The following TTLL11 variants were observed in gnomAD, a reference collection of about 807,000 sequenced individuals.
The protein encoded by TTLL11 is tubulin polyglutamylase TTLL11.
In TTLL11, 42 loss-of-function variants were observed where a neutral mutation model predicts 51.7. That is an observed-to-expected ratio of 0.81 (90% CI 0.64 to 1.05). TTLL11 has a LOEUF of 1.05. Among genes scored for constraint, TTLL11 ranks in the 50% least tolerant of loss-of-function variants. TTLL11 has a pLI of 0.00. For missense variants in TTLL11, 799 were observed against 940.4 expected, an observed-to-expected ratio of 0.85 and a Z score of 1.97; for synonymous variants, 381 against 383.5, an observed-to-expected ratio of 0.99 and a Z score of 0.08.
chr9:121,822,938 A>G lies in TTLL11; in HGVS notation c.1841-59T>C. On this transcript the variant is annotated intron_variant, in intron 8 of 8. Coordinates refer to ENST00000321582, the MANE Select transcript of TTLL11 (RefSeq NM_001139442.2). The surrounding 1 kb of genome is among the most constrained non-coding windows in gnomAD (Gnocchi z 5.8). ...ACAGCTGCCCTACGCTGCCCTGGGAAGGCCCACCTCCAGCCACAAGGATGT... is the reference window on the plus strand; with the variant it reads ...ACAGCTGCCCTACGCTGCCCTGGGAGGGCCCACCTCCAGCCACAAGGATGT... The G allele has an allele frequency of 6.8e-7, 1 of 1,472,328 alleles. No individual in the cohort carries two copies. Among genetic ancestry groups the G allele is most frequent in the South Asian group, 1.4e-5 (1 of 70,938 alleles). 91.2% of individuals were successfully genotyped at this position (1,472,328 alleles called of 1,614,324 possible).
At position 121,921,449 on chromosome 9, in the gene TTLL11, T is replaced by A. The variant is rs574158822; in HGVS notation, c.1482-50701A>T. 7.1e-3 allele frequency among the ~76,000 whole-genome samples: 1,087 copies of A among 152,260 alleles called. 6 individuals are homozygous for A. Among genetic ancestry groups the A allele is most frequent in the Non-Finnish European group, 0.013 (872 of 67,998 alleles). On this transcript the variant is annotated intron_variant, in intron 6 of 8. Coordinates refer to ENST00000321582, the MANE Select transcript of TTLL11 (RefSeq NM_001139442.2). Reference sequence around the variant, plus strand: ...CTCCCGAGAATCATGAGATTTGTTTTATAAAAAAAACTCGCCACAGGATTC... The same window carrying A: ...CTCCCGAGAATCATGAGATTTGTTTAATAAAAAAAACTCGCCACAGGATTC...
chr9:122,007,475 C>CA (rs59238464), intron 3 of TTLL11, among the ~76,000 whole-genome samples: 418 of 94,446 alleles, frequency 4.4e-3, no homozygotes, highest in East Asian at 0.023. Flanking sequence ...AATTCCATCT[C>CA]AAAAAAAAAA....
rs1206732397 is a variant in TTLL11 at position 121,853,699 on chromosome 9, C to A, written c.1840+6638G>T. ...CTTCACACAGCCATGGACGAGGCTG[C>A]CAGCACCACATTTCCTCTGTCTTCC... On this transcript the variant is annotated intron_variant, in intron 8 of 8. Coordinates refer to ENST00000321582, the MANE Select transcript of TTLL11 (RefSeq NM_001139442.2). The surrounding 1 kb of genome is among the most constrained non-coding windows in gnomAD (Gnocchi z 5.6). 6.6e-6 allele frequency among the ~76,000 whole-genome samples: 1 copy of A among 152,172 alleles called. No homozygotes were observed. Among genetic ancestry groups the A allele is most frequent in the Non-Finnish European group, 1.5e-5 (1 of 68,012 alleles).
At chr9:121,924,503 TATTGAGAACAATCCTTTCAGAGGA>T (rs1840650414) in intron 6 of TTLL11, among the ~76,000 whole-genome samples, 1 of 152,216 alleles carries the variant, frequency 6.6e-6, no homozygotes, top group Non-Finnish European at 1.5e-5. Context: ...GGTTAGGAGA[TATTGAGAACAATCCTTTCAGAGGA>T]AGATGAAAAA....
chr9:121,851,453 AT>A (rs1837661484), intron 8 of TTLL11, among the ~76,000 whole-genome samples: 1 of 152,192 alleles, frequency 6.6e-6, no homozygotes, highest in Non-Finnish European at 1.5e-5. Context: ...TATCTGCTCA[AT>A]TTTTTCTGTA....
chr9:121,927,769 G>A (rs1840794438), intron 6 of TTLL11, among the ~76,000 whole-genome samples: 1 of 152,112 alleles, frequency 6.6e-6, no homozygotes, highest in South Asian at 2.1e-4. Flanking sequence ...AGAGTGAAGA[G>A]CTGCTGGAGT....
At chr9:121,824,473 C>T (rs1209683113) in intron 8 of TTLL11, among the ~76,000 whole-genome samples, 23 of 93,942 alleles carry the variant, frequency 2.4e-4, no homozygotes, top group South Asian at 1.9e-3. Context: ...AGCGAGACTC[C>T]ATCTCAAAAA....
chr9:121,990,669 A>T (rs1002317783), intron 3 of TTLL11, among the ~76,000 whole-genome samples: 1 of 152,212 alleles, frequency 6.6e-6, no homozygotes, highest in Non-Finnish European at 1.5e-5. Context: ...CACCAAACAC[A>T]GAGCTGAGCT....
intron 1 of TTLL11, among the ~76,000 whole-genome samples, chr9:122,067,756 G>C (rs1323501923): frequency 6.6e-6 from 1 of 152,154 alleles, no homozygotes; most frequent in Non-Finnish European, 1.5e-5. Context: ...ACCCACCTCT[G>C]CCTCCCAAAG....
chr9:122,016,951 A>G (rs947278249), intron 3 of TTLL11, among the ~76,000 whole-genome samples: 5 of 152,202 alleles, frequency 3.3e-5, no homozygotes, highest in Non-Finnish European at 7.4e-5. Context: ...ACTCTTCACA[A>G]AAATTTTCAC....
In TTLL11 at chr9:121,822,797, C is replaced by T. The variant is rs1836625359; in HGVS notation, c.1923G>A (p.Val641=). ...KFKMLPLHEQ[V]ASLIDLCEYH... Reference sequence around the variant, plus strand: ...ACTCGCAAAGGTCAATCAGTGAGGCCACCTGCTCATGAAGTGGCAGCATCT... The same window carrying T: ...ACTCGCAAAGGTCAATCAGTGAGGCTACCTGCTCATGAAGTGGCAGCATCT... Residue 641 remains valine (V), a synonymous_variant, in exon 9 of 9, where the codon GTG becomes GTA. Transcript: ENST00000321582. This position sits in a 1 kb window ranked among gnomAD's most constrained non-coding sequence, Gnocchi z 5.8. 1.3e-6 allele frequency: 2 copies of T among 1,551,708 alleles called. No individual in the cohort carries two copies. Among genetic ancestry groups the T allele is most frequent in the African/African-American group, 1.4e-5 (1 of 73,180 alleles).
intron 6 of TTLL11, among the ~76,000 whole-genome samples, chr9:121,929,192 A>G (rs1655139884): frequency 6.6e-6 from 1 of 152,190 alleles, no homozygotes; most frequent in Admixed American, 6.5e-5. Flanking sequence ...CTGTAATCCC[A>G]GCACTTTGGG....
chr9:122,024,020 C>T (rs1245478086), intron 3 of TTLL11, among the ~76,000 whole-genome samples: 2 of 152,084 alleles, frequency 1.3e-5, no homozygotes, highest in Admixed American at 6.6e-5. Context: ...CCATTCAATT[C>T]TCAGAGGATG....
intron 6 of TTLL11, among the ~76,000 whole-genome samples, chr9:121,911,989 C>A (rs138720050): frequency 1.3e-5 from 2 of 152,144 alleles, no homozygotes; most frequent in Non-Finnish European, 2.9e-5. Flanking sequence ...CAGGTGATCA[C>A]CCCACTGTAT....
intron 4 of TTLL11, among the ~76,000 whole-genome samples, chr9:121,985,394 T>G (rs1233152642): frequency 6.6e-6 from 1 of 152,092 alleles, no homozygotes; most frequent in African/African-American, 2.4e-5. Context: ...ACCGGGTCCC[T>G]TAATCTCTAG....
rs535572890 is a variant in TTLL11 at position 121,958,431 on chromosome 9, C to A, written c.1481+15578G>T. Among the ~76,000 whole-genome samples the A allele has an allele frequency of 4.6e-5, 7 of 152,266 alleles. No homozygotes were observed. The East Asian group carries it at 1.4e-3, about 29-fold the overall frequency. On this transcript the variant is annotated intron_variant, in intron 6 of 8. Coordinates refer to ENST00000321582, the MANE Select transcript of TTLL11 (RefSeq NM_001139442.2). ...CTTCAAGTAAAAATGGAAATGCTAT[C>A]CCCTGGGGTCTTTTTTCTCGAAGCC...
chr9:122,084,109 T>C (rs942023029), intron 1 of TTLL11, among the ~76,000 whole-genome samples: 1 of 151,966 alleles, frequency 6.6e-6, no homozygotes, highest in Non-Finnish European at 1.5e-5. Flanking sequence ...TCCCTATGAG[T>C]ATAAAGAACA....
At chr9:121,895,982 G>A (rs1839502902) in intron 6 of TTLL11, among the ~76,000 whole-genome samples, 1 of 113,170 alleles carries the variant, frequency 8.8e-6, no homozygotes, top group Non-Finnish European at 1.9e-5. Context: ...GTGTGTCTGT[G>A]GTGGGTGTTT....
intron 8 of TTLL11, among the ~76,000 whole-genome samples, chr9:121,826,508 T>C (rs1359235035): frequency 1.5e-5 from 1 of 68,860 alleles, no homozygotes; most frequent in African/African-American, 7.5e-5. Context: ...TGTGTATATA[T>C]ATATATGTAT....
Sources: allele counts gnomAD v4.1 joint callset (sites outside exome capture counted in the v4.1 genomes callset), GRCh38; gene constraint gnomAD v4.1.1; non-coding constraint Gnocchi (gnomAD v3.1); transcripts MANE v1.5; gene names NCBI Gene and HGNC (gene_info 2026-07-23, HGNC 2026-07-21).